Variants in MMP24 observed in about 807,000 individuals in gnomAD.
MMP24 encodes matrix metallopeptidase 24, also known as matrix metalloproteinase-24.
Under a neutral mutation model 62.8 loss-of-function variants are expected in MMP24, and 25 were observed. The ratio of observed to expected loss-of-function variants is 0.40; its 90% CI spans 0.29 to 0.56. The LOEUF is 0.56. Ranked by LOEUF, MMP24 falls within the 20% of genes least tolerant of loss-of-function variation. The pLI is 0.50. For missense variants in MMP24, 634 were observed against 853.6 expected (o/e 0.74, Z 3.21); for synonymous variants, 319 against 350.5 (o/e 0.91, Z 1.00).
intron 8 of MMP24, chr20:35,272,161 G>A (rs2060674028): frequency 9.1e-6 from 4 of 441,262 alleles, no homozygotes; most frequent in Admixed American, 3.8e-5. Flanking sequence ...AAGCAATGAT[G>A]GGCATGCATG....
Position 35,226,857 on chromosome 20 carries a change from T to C in MMP24, c.119T>C (p.Leu40Pro). The C allele has an allele frequency of 1.0e-6, 1 of 975,184 alleles. No homozygotes were observed. The highest frequency in any genetic ancestry group is 1.2e-6 in the Non-Finnish European group (1 of 826,910). The allele number at this position is 975,184 out of a possible 1,614,324, so 60.4% of individuals were successfully genotyped here. A position where few individuals can be genotyped will look rare whatever the true frequency, so the allele number is the denominator to read the frequency against. The change falls in exon 1 of 9, where the codon CTG (leucine) becomes CCG (proline). Residue 40 changes from leucine (L) to proline (P), a missense_variant. Leu to Pro is a moderately conservative substitution (Grantham distance 98). Around this residue, in one of 3 missense-constraint regions of MMP24, gnomAD observed 212 missense variants for 259.6 expected, o/e 0.82. Coordinates refer to ENST00000246186, the MANE Select transcript of MMP24 (RefSeq NM_006690.4). ...CCTGGGCGGCTGCTGCTGCTGCTGC[T>C]GCCCGCGCTCTGCTGCCTCCCGGGC... ...RVPGRLLLLL[L>P]PALCCLPGAA...
chr20:35,246,877 A>T lies in MMP24; in HGVS notation c.284A>T (p.Asp95Val). The T allele has an allele frequency of 1.2e-6, 2 of 1,613,858 alleles. No individual in the cohort carries two copies. The highest frequency in any genetic ancestry group is 1.7e-6 in the Non-Finnish European group (2 of 1,179,862). The change falls in exon 2 of 9, where the codon GAC (aspartate) becomes GTC (valine). Residue 95 changes from aspartate (D) to valine (V), a missense_variant. Coordinates refer to ENST00000246186, the MANE Select transcript of MMP24 (RefSeq NM_006690.4). ...LKSYGYLLPY[D>V]SRASALHSAK... ...TCCTATGGCTATCTGCTTCCCTATG[A>T]CTCACGGGCATCTGCGCTGCACTCA...
chr20:35,266,524 T>C (rs879484336), intron 5 of MMP24, among the ~76,000 whole-genome samples: 1 of 151,832 alleles, frequency 6.6e-6, no homozygotes. Flanking sequence ...CGCCAGCCTC[T>C]AGAGTAGGGC....
intron 1 of MMP24, among the ~76,000 whole-genome samples, chr20:35,230,156 A>T (rs1046559835): frequency 4.2e-4 from 64 of 151,846 alleles, no homozygotes; most frequent in African/African-American, 1.5e-3. Flanking sequence ...CGCCCGGTTA[A>T]TTTTTGTATT....
chr20:35,253,728 C>A (rs1330033752), intron 3 of MMP24, among the ~76,000 whole-genome samples: 2 of 152,010 alleles, frequency 1.3e-5, no homozygotes, highest in East Asian at 3.9e-4. Flanking sequence ...AAGATTGGTA[C>A]CAAAGATTTT....
Position 35,271,685 on chromosome 20 carries a change from C to T in MMP24, c.1450C>T (p.Pro484Ser). 6.2e-7 allele frequency: 1 copy of T among 1,608,444 alleles called. No individual in the cohort carries two copies. The highest frequency in any genetic ancestry group is 8.5e-7 in the Non-Finnish European group (1 of 1,177,638). Residue 484 changes from proline to serine, a missense_variant, in exon 8 of 9, where the codon CCT (proline) becomes TCT (serine). Pro to Ser is a moderately conservative substitution (Grantham distance 74). Coordinates refer to ENST00000246186, the MANE Select transcript of MMP24 (RefSeq NM_006690.4). This position sits in a 1 kb window ranked among gnomAD's most constrained non-coding sequence, Gnocchi z 4.0. ...CATTGACACAGCTCTGCGCTGGGAA[C>T]CTGTGGGCAAGACCTACTTTTTCAA... ...EGIDTALRWE[P>S]VGKTYFFKGE...
At chr20:35,264,545 A>G (rs2060621251) in intron 5 of MMP24, among the ~76,000 whole-genome samples, 1 of 151,710 alleles carries the variant, frequency 6.6e-6, no homozygotes, top group African/African-American at 2.4e-5. Flanking sequence ...TATTAAAACA[A>G]ACAAACAAAA....
chr20:35,248,955 G>A (rs1355326949), intron 2 of MMP24, among the ~76,000 whole-genome samples: 1 of 152,210 alleles, frequency 6.6e-6, no homozygotes, highest in African/African-American at 2.4e-5. Context: ...GTTGGATGGC[G>A]CTCAGAGAGT....
At chr20:35,237,300 T>C (rs2146203252) in intron 1 of MMP24, among the ~76,000 whole-genome samples, 1 of 152,312 alleles carries the variant, frequency 6.6e-6, no homozygotes, top group South Asian at 2.1e-4. Context: ...AGAGGATCTC[T>C]TCCTTGCCTT....
intron 4 of MMP24, chr20:35,256,255 T>C (rs373168364): frequency 3.3e-5 from 5 of 152,168 alleles, no homozygotes; most frequent in East Asian, 3.8e-4. Context: ...AACTGAGATA[T>C]AGAGAAACAT....
Position 35,237,119 on chromosome 20 carries a change from G to A in MMP24, c.247-9721G>A, listed in dbSNP as rs368781267. Among the ~76,000 whole-genome samples, 10 of 152,266 alleles carry A rather than the reference G, an allele frequency of 6.6e-5. No individual in the cohort carries two copies. In the East Asian group the frequency reaches 1.3e-3, roughly 21 times the overall value. On this transcript the variant is annotated intron_variant, in intron 1 of 8. Transcript: ENST00000246186. The stretch of plus-strand genomic sequence containing the variant: ...AACATTGTACGAACACTTACTATGT[G>A]CCAGAATCTGCTAAATGCTTCTTGC...
chr20:35,233,004 C>T (rs2146199748), intron 1 of MMP24, among the ~76,000 whole-genome samples: 1 of 152,298 alleles, frequency 6.6e-6, no homozygotes, highest in Non-Finnish European at 1.5e-5. Context: ...GACCCGCCCA[C>T]CTTGGCCTCC....
chr20:35,264,535 TATTAAAACAAACAAACAAAAAA>T (rs2060621200), intron 5 of MMP24, among the ~76,000 whole-genome samples: 1 of 150,878 alleles, frequency 6.6e-6, no homozygotes, highest in East Asian at 1.9e-4. Context: ...CTACCAAAAA[TATTAAAACAAACAAACAAAAAA>T]ATTAGCCAGG....
chr20:35,273,753 G>T (rs571636920), intron 8 of MMP24, among the ~76,000 whole-genome samples: 1 of 152,218 alleles, frequency 6.6e-6, no homozygotes, highest in Non-Finnish European at 1.5e-5. Context: ...GGGCTGCCCA[G>T]CCTCTCTCCC....
At chr20:35,265,811 T>C (rs948783490) in intron 5 of MMP24, among the ~76,000 whole-genome samples, 1 of 152,094 alleles carries the variant, frequency 6.6e-6, no homozygotes, top group Non-Finnish European at 1.5e-5. Flanking sequence ...AAGACCTCAG[T>C]AGCCATATGT....
chr20:35,274,639 T>C lies in MMP24; in HGVS notation c.*30T>C, dbSNP rs2060693639. 1 of 1,537,902 alleles carries C rather than the reference T, an allele frequency of 6.5e-7. No individual in the cohort carries two copies. Among genetic ancestry groups the C allele is most frequent in the Non-Finnish European group, 8.8e-7 (1 of 1,135,486 alleles). ...CCCAGAGCCCTCTCTATCCACTTGGTCTGGCCAGCCAGGCCCTTCCTCACC... is the reference window on the plus strand; with the variant it reads ...CCCAGAGCCCTCTCTATCCACTTGGCCTGGCCAGCCAGGCCCTTCCTCACC... On this transcript the variant is annotated 3_prime_UTR_variant, in exon 9 of 9. Transcript: ENST00000246186. The surrounding 1 kb of genome is among the most constrained non-coding windows in gnomAD (Gnocchi z 5.1).
chr20:35,265,898 A>G (rs2060631294), intron 5 of MMP24, among the ~76,000 whole-genome samples: 1 of 152,104 alleles, frequency 6.6e-6, no homozygotes, highest in African/African-American at 2.4e-5. Context: ...TCTACTGGAC[A>G]GCTCTGATGC....
intron 1 of MMP24, among the ~76,000 whole-genome samples, chr20:35,239,303 C>G (rs1024764126): frequency 6.6e-6 from 1 of 152,072 alleles, no homozygotes. Context: ...TCTCAAAGTG[C>G]TGAGATTACA....
intron 4 of MMP24, among the ~76,000 whole-genome samples, chr20:35,255,331 C>CAAA (rs11482447): frequency 2.9e-5 from 4 of 138,754 alleles, no homozygotes; most frequent in African/African-American, 1.1e-4. Context: ...AACTCCATCT[C>CAAA]AAAAAAAAAA....
Sources: gnomAD v4.1 joint callset for allele counts (sites outside exome capture counted in the v4.1 genomes callset) on GRCh38, gnomAD v4.1.1 for gene constraint, gnomAD v4.1.1 regional missense constraint, Gnocchi (gnomAD v3.1) non-coding constraint, MANE v1.5 for transcripts, NCBI Gene and HGNC (gene_info 2026-07-23, HGNC 2026-07-21) for gene names.